ENAH: variants seen among roughly 807,000 people sequenced by gnomAD.
ENAH encodes the protein ENAH actin regulator.
A neutral mutation model predicts 78.7 loss-of-function variants in ENAH; 23 were observed. The ratio of observed to expected loss-of-function variants is 0.29; its 90% CI spans 0.21 to 0.41. ENAH has a LOEUF of 0.41. Among genes scored for constraint, ENAH ranks in the 10% least tolerant of loss-of-function variants. The pLI is 1.00. For synonymous variants in ENAH, 226 were observed against 241.0 expected, an observed-to-expected ratio of 0.94 and a Z score of 0.58; for missense variants, 544 against 691.0, an observed-to-expected ratio of 0.79 and a Z score of 2.39.
chr1:225,565,492 T>C (rs1170348946), intron 2 of ENAH, among the ~76,000 whole-genome samples: 1 of 152,190 alleles, frequency 6.6e-6, no homozygotes, highest in African/African-American at 2.4e-5. Context: ...TTCTTTTTTG[T>C]TTCTCTAAAT....
intron 11 of ENAH, among the ~76,000 whole-genome samples, chr1:225,503,660 A>AC (rs2096300431): frequency 6.7e-6 from 1 of 148,322 alleles, no homozygotes; most frequent in Admixed American, 6.7e-5. Flanking sequence ...AACCACCTCA[A>AC]AAAAAAAAAA....
intron 12 of ENAH, among the ~76,000 whole-genome samples, chr1:225,500,035 T>C (rs2096273215): frequency 1.3e-5 from 2 of 152,212 alleles, no homozygotes; most frequent in African/African-American, 2.4e-5. Flanking sequence ...ATTCTTCATA[T>C]GACCAAGAAC....
intron 1 of ENAH, among the ~76,000 whole-genome samples, chr1:225,579,569 C>T (rs2096804497): frequency 6.6e-6 from 1 of 152,094 alleles, no homozygotes; most frequent in Admixed American, 6.5e-5. Context: ...ACATTTTAGA[C>T]ATCAAACTAT....
intron 11 of ENAH, among the ~76,000 whole-genome samples, chr1:225,503,299 A>G (rs936886569): frequency 1.5e-4 from 23 of 152,126 alleles, no homozygotes; most frequent in Non-Finnish European, 2.2e-4. Context: ...TTTAAAAAAT[A>G]TATGTATTTT....
At chr1:225,633,240 C>CG (rs1312993616) in intron 1 of ENAH, among the ~76,000 whole-genome samples, 1 of 150,722 alleles carries the variant, frequency 6.6e-6, no homozygotes, top group South Asian at 2.1e-4. Context: ...TTATTAGAGA[C>CG]GGGGTTTCAC....
rs1558808792 is a variant in ENAH at position 225,556,943 on chromosome 1, G to GCAAA, written c.172-1861_172-1860insTTTG. Among the ~76,000 whole-genome samples, 3 of 152,242 alleles carry GCAAA rather than the reference G, an allele frequency of 2.0e-5. No homozygotes were observed. The East Asian group carries it at 5.8e-4, about 30-fold the overall frequency. ...AGCACTATCACTGTGCTGCAGGTTT[G>GCAAA]CCTGCAGCACATAAATCAAGTGTCT... On this transcript the variant is annotated intron_variant, in intron 2 of 13. Transcript: ENST00000366843.
At chr1:225,606,514 C>A (rs1028012869) in intron 1 of ENAH, among the ~76,000 whole-genome samples, 2 of 151,524 alleles carry the variant, frequency 1.3e-5, no homozygotes, top group Non-Finnish European at 2.9e-5. Flanking sequence ...GATAAGCACT[C>A]GTACAATCTA....
intron 1 of ENAH, among the ~76,000 whole-genome samples, chr1:225,594,465 A>C (rs1049830879): frequency 1.3e-5 from 2 of 152,206 alleles, no homozygotes; most frequent in African/African-American, 4.8e-5. Flanking sequence ...ACATCCAAGT[A>C]GTCTACTCAG....
chr1:225,573,222 A>C (rs1230241899), intron 1 of ENAH, among the ~76,000 whole-genome samples: 2 of 152,250 alleles, frequency 1.3e-5, no homozygotes, highest in Non-Finnish European at 2.9e-5. Flanking sequence ...ATTAATCATT[A>C]CTTGTCAAAG....
intron 2 of ENAH, among the ~76,000 whole-genome samples, chr1:225,561,800 T>C (rs926047774): frequency 2.6e-5 from 4 of 152,068 alleles, no homozygotes; most frequent in African/African-American, 4.8e-5. Context: ...ATCTCACACA[T>C]GCCTATACAT....
At chr1:225,564,109 G>C (rs2096722534) in intron 2 of ENAH, among the ~76,000 whole-genome samples, 1 of 151,348 alleles carries the variant, frequency 6.6e-6, no homozygotes, top group South Asian at 2.1e-4. Context: ...GTTTGATTCT[G>C]CAAGTTTTTT....
chr1:225,503,633 AT>A (rs774682715), intron 11 of ENAH, among the ~76,000 whole-genome samples: 38 of 86,900 alleles, frequency 4.4e-4, no homozygotes, highest in Non-Finnish European at 7.7e-4. Flanking sequence ...TTCTAAAGAA[AT>A]CTTTTGGCCA....
intron 1 of ENAH, among the ~76,000 whole-genome samples, chr1:225,639,708 A>G (rs1262295401): frequency 7.5e-6 from 1 of 132,520 alleles, no homozygotes; most frequent in Non-Finnish European, 1.6e-5. Flanking sequence ...GGGATTAAAC[A>G]CACACACACA....
In ENAH at chr1:225,495,580, A is replaced by G. The variant is rs1369375791; in HGVS notation, c.*2195T>C. The stretch of plus-strand genomic sequence containing the variant: ...ATTTAGCATTTTATTTTAGTCTCTT[A>G]TCTTAGTTTGGACCACTTGTACCCA... On this transcript the variant is annotated 3_prime_UTR_variant, in exon 14 of 14. Coordinates refer to ENST00000366843, the MANE Select transcript of ENAH (RefSeq NM_018212.6). The G allele has an allele frequency of 2.1e-5, 3 of 145,260 alleles. No individual in the cohort carries two copies. Among genetic ancestry groups the G allele is most frequent in the African/African-American group, 7.7e-5 (3 of 38,852 alleles). 9.0% of individuals were successfully genotyped at this position (145,260 alleles called of 1,614,324 possible).
At chr1:225,535,240 C>G (rs1169897098) in intron 3 of ENAH, among the ~76,000 whole-genome samples, 1 of 152,006 alleles carries the variant, frequency 6.6e-6, no homozygotes, top group Non-Finnish European at 1.5e-5. Context: ...CAAACAAAAA[C>G]CCCTCTCATT....
intron 1 of ENAH, among the ~76,000 whole-genome samples, chr1:225,613,251 C>A (rs1481231831): frequency 6.6e-6 from 1 of 152,172 alleles, no homozygotes; most frequent in African/African-American, 2.4e-5. Flanking sequence ...ACCACCCCAA[C>A]CAAGTTAGGC....
chr1:225,544,221 A>C (rs2096602673), intron 3 of ENAH, among the ~76,000 whole-genome samples: 1 of 152,236 alleles, frequency 6.6e-6, no homozygotes, highest in South Asian at 2.1e-4. Flanking sequence ...ATCCAGCAAA[A>C]TGCTTCTTCA....
intron 13 of ENAH, among the ~76,000 whole-genome samples, chr1:225,498,104 T>G (rs997369780): frequency 1.4e-4 from 21 of 152,224 alleles, no homozygotes; most frequent in Middle Eastern, 3.4e-3. Context: ...GTTCATGTGG[T>G]TTTCCATCTA....
At chr1:225,534,902 C>T (rs2096554458) in intron 3 of ENAH, among the ~76,000 whole-genome samples, 1 of 151,954 alleles carries the variant, frequency 6.6e-6, no homozygotes, top group South Asian at 2.1e-4. Context: ...TCCATGCAAA[C>T]AATACATATA....
Sources: gnomAD v4.1 joint callset for allele counts (sites outside exome capture counted in the v4.1 genomes callset) on GRCh38, gnomAD v4.1.1 for gene constraint, MANE v1.5 for transcripts, NCBI Gene and HGNC (gene_info 2026-07-23, HGNC 2026-07-21) for gene names.